VMP1: variants seen among roughly 807,000 people sequenced by gnomAD.
VMP1 encodes the protein ectopic P-granules autophagy protein 3 homolog.
In VMP1, 11 loss-of-function variants were observed where a neutral mutation model predicts 56.0. That is an observed-to-expected ratio of 0.20 (90% CI 0.12 to 0.32). The LOEUF is 0.32. VMP1 is among the 10% of genes least tolerant of loss of function. The probability of loss-of-function intolerance (pLI) is 1.00; values close to 1 mark genes in which losing one functional copy is unlikely to be tolerated. For synonymous variants in VMP1, 149 were observed against 165.0 expected (o/e 0.90, Z 0.74); for missense variants, 296 against 490.3 (o/e 0.60, Z 3.74).
chr17:59,816,938 T>G (rs1598435612), intron 9 of VMP1, among the ~76,000 whole-genome samples: 1 of 102,378 alleles, frequency 9.8e-6, no homozygotes, highest in Admixed American at 1.2e-4. Flanking sequence ...AGAAGGAGAC[T>G]CCGTCTCAAA....
Position 59,718,227 on chromosome 17 carries a change from C to T in VMP1, c.-27+10479C>T, listed in dbSNP as rs565843726. Among the ~76,000 whole-genome samples the T allele has an allele frequency of 6.8e-4, 77 of 112,912 alleles. 1 individual carries two copies. Among genetic ancestry groups the T allele is most frequent in the Non-Finnish European group, 5.7e-4 (34 of 60,000 alleles). 74.1% of individuals were successfully genotyped at this position (112,912 alleles called of 152,430 possible). The stretch of plus-strand genomic sequence containing the variant: ...TTTTTTTTTTTGTGAGACGGAGTCT[C>T]GCTCTGTCACCCAGGCTGGAGTGCA... On this transcript the variant is annotated intron_variant, in intron 1 of 11. Coordinates refer to ENST00000262291, the MANE Select transcript of VMP1 (RefSeq NM_030938.5).
intron 1 of VMP1, among the ~76,000 whole-genome samples, chr17:59,708,809 A>G (rs554522101): frequency 2.8e-4 from 43 of 152,304 alleles, no homozygotes; most frequent in African/African-American, 1.0e-3. Context: ...GCATCATTGT[A>G]TGCATTGTAG....
At chr17:59,743,578 C>CTA (rs1182445879) in intron 5 of VMP1, among the ~76,000 whole-genome samples, 19 of 148,618 alleles carry the variant, frequency 1.3e-4, no homozygotes, top group Admixed American at 5.4e-4. Context: ...CTCTCTCTCT[C>CTA]TCTATATATA....
In VMP1 at chr17:59,830,820, A is replaced by G. The variant is rs114701542; in HGVS notation, c.975-7475A>G. 4.1e-3 allele frequency among the ~76,000 whole-genome samples: 621 copies of G among 152,300 alleles called. 9 individuals are homozygous for G. The highest frequency in any genetic ancestry group is 0.014 in the African/African-American group (593 of 41,566). ...AAATAGGGCTAAACAAGGTGAATCAATCTTTTTTGTTGGTGTTTTAAGAAA... is the reference window on the plus strand; with the variant it reads ...AAATAGGGCTAAACAAGGTGAATCAGTCTTTTTTGTTGGTGTTTTAAGAAA... On this transcript the variant is annotated intron_variant, in intron 10 of 11. Coordinates refer to ENST00000262291, the MANE Select transcript of VMP1 (RefSeq NM_030938.5).
chr17:59,715,432 A>G (rs138849575), intron 1 of VMP1, among the ~76,000 whole-genome samples: 354 of 152,308 alleles, frequency 2.3e-3, no homozygotes, highest in African/African-American at 8.1e-3. Flanking sequence ...ATTGTCAAAC[A>G]CATAACCATC....
chr17:59,766,949 T>G (rs1366599010), intron 6 of VMP1, among the ~76,000 whole-genome samples: 1 of 152,072 alleles, frequency 6.6e-6, no homozygotes, highest in African/African-American at 2.4e-5. Flanking sequence ...TCGGCTGATT[T>G]TTTTGTATTT....
At chr17:59,757,158 A>T (rs2035869720) in intron 5 of VMP1, among the ~76,000 whole-genome samples, 1 of 152,066 alleles carries the variant, frequency 6.6e-6, no homozygotes, top group South Asian at 2.1e-4. Context: ...TGGCACAAGG[A>T]TTTCTTTCTC....
At chr17:59,713,683 CTTTTTTT>C (rs3064256) in intron 1 of VMP1, among the ~76,000 whole-genome samples, 4 of 108,750 alleles carry the variant, frequency 3.7e-5, no homozygotes, top group Non-Finnish European at 7.6e-5. Flanking sequence ...CCCCATCTCT[CTTTTTTT>C]TTTTTTTTTT....
At chr17:59,715,455 A>T (rs935092377) in intron 1 of VMP1, among the ~76,000 whole-genome samples, 16 of 152,128 alleles carry the variant, frequency 1.1e-4, no homozygotes, top group Admixed American at 8.5e-4. Flanking sequence ...ATCTCGTGAG[A>T]ACTCACTCAC....
intron 8 of VMP1, among the ~76,000 whole-genome samples, chr17:59,810,340 G>C (rs1453245092): frequency 6.6e-6 from 1 of 152,014 alleles, no homozygotes; most frequent in South Asian, 2.1e-4. Context: ...TTTTAGTAGA[G>C]ACAAGGTTTC....
chr17:59,827,741 G>A (rs2038687367), intron 10 of VMP1, among the ~76,000 whole-genome samples: 1 of 150,796 alleles, frequency 6.6e-6, no homozygotes, highest in Admixed American at 6.6e-5. Context: ...CTTGAGCCCA[G>A]AAGTTTGAGA....
At chr17:59,796,841 A>T (rs1310063437) in intron 7 of VMP1, among the ~76,000 whole-genome samples, 1 of 152,212 alleles carries the variant, frequency 6.6e-6, no homozygotes, top group Non-Finnish European at 1.5e-5. Flanking sequence ...AGCAATATTA[A>T]GAATAATTTG....
intron 4 of VMP1, 50 bp downstream of exon 4, chr17:59,737,593 C>G: frequency 4.0e-6 from 6 of 1,491,566 alleles, no homozygotes; most frequent in Non-Finnish European, 5.5e-6. Context: ...CTCTAATTCT[C>G]TAATCTCAGT....
chr17:59,717,290 A>G (rs1015936264), intron 1 of VMP1, among the ~76,000 whole-genome samples: 3 of 152,206 alleles, frequency 2.0e-5, no homozygotes, highest in South Asian at 2.1e-4. Flanking sequence ...CTTTTTGATG[A>G]AAATGTTTTG....
intron 7 of VMP1, among the ~76,000 whole-genome samples, chr17:59,783,273 G>A (rs111321482): frequency 1.6e-4 from 25 of 152,176 alleles, no homozygotes; most frequent in African/African-American, 5.3e-4. Context: ...GTTGGATGTC[G>A]TACTATAGAT....
chr17:59,828,889 G>T (rs547377941), intron 10 of VMP1, among the ~76,000 whole-genome samples: 1 of 152,316 alleles, frequency 6.6e-6, no homozygotes, highest in East Asian at 1.9e-4. Flanking sequence ...GTCAAGGCAG[G>T]CGGATCACTT....
chr17:59,780,412 G>GA, intron 7 of VMP1, among the ~76,000 whole-genome samples: 1 of 152,148 alleles, frequency 6.6e-6, no homozygotes, highest in East Asian at 1.9e-4. Context: ...CCAATGTGGT[G>GA]AAACCGCATC....
intron 5 of VMP1, among the ~76,000 whole-genome samples, chr17:59,745,035 C>G (rs2035373295): frequency 6.6e-6 from 1 of 152,164 alleles, no homozygotes; most frequent in Non-Finnish European, 1.5e-5. Flanking sequence ...CATGCTAATA[C>G]TAGCTGGTCA....
chr17:59,759,192 G>A (rs7224884), intron 5 of VMP1, among the ~76,000 whole-genome samples: 20,798 of 152,064 alleles, frequency 0.14, 1,688 homozygotes, highest in Middle Eastern at 0.26. Flanking sequence ...TGACCAACAT[G>A]GTGAAACCAC....
Sources: allele counts gnomAD v4.1 joint callset (sites outside exome capture counted in the v4.1 genomes callset), GRCh38; gene constraint gnomAD v4.1.1; transcripts MANE v1.5; gene names NCBI Gene and HGNC (gene_info 2026-07-23, HGNC 2026-07-21).